The following LRGUK variants were observed in gnomAD, a reference collection of about 807,000 sequenced individuals.
LRGUK encodes leucine rich repeats and guanylate kinase domain containing.
In LRGUK, 65 loss-of-function variants were observed where a neutral mutation model predicts 76.0. The ratio of observed to expected loss-of-function variants is 0.85; its 90% confidence interval spans 0.70 to 1.05. The LOEUF (loss-of-function observed/expected upper bound fraction) is 1.05. Among genes scored for constraint, LRGUK ranks in the 50% least tolerant of loss-of-function variants. The pLI is 0.00. For missense variants in LRGUK, 758 were observed against 732.8 expected, an observed-to-expected ratio of 1.03 and a Z score of -0.40; for synonymous variants, 268 against 265.6, an observed-to-expected ratio of 1.01 and a Z score of -0.09.
In LRGUK at chr7:134,226,835, T is replaced by C. The variant is rs143373245; in HGVS notation, c.1983+4917T>C. Among the ~76,000 whole-genome samples the C allele has an allele frequency of 1.1e-3, 173 of 152,294 alleles. 2 individuals carry two copies. Among genetic ancestry groups the C allele is most frequent in the African/African-American group, 3.6e-3 (151 of 41,570 alleles). ...AATGTTGTCGCTATGTCAGTGATGGTAGGCAGGGAGTGAGGAAGGACTCAG... is the reference window on the plus strand; with the variant it reads ...AATGTTGTCGCTATGTCAGTGATGGCAGGCAGGGAGTGAGGAAGGACTCAG... On this transcript the variant is annotated intron_variant, in intron 16 of 19. Transcript: ENST00000285928.
chr7:134,260,197 G>T (rs1215176465), intron 19 of LRGUK, among the ~76,000 whole-genome samples: 1 of 151,822 alleles, frequency 6.6e-6, no homozygotes, highest in Non-Finnish European at 1.5e-5. Context: ...AACTATATAT[G>T]ATTGTAACAT....
At chr7:134,158,010 C>T (rs750558823) in intron 5 of LRGUK, 25 bp from the exon 6 acceptor site, 3 of 1,586,862 alleles carry the variant, frequency 1.9e-6, no homozygotes, top group Non-Finnish European at 2.6e-6. Context: ...ATAACATTTT[C>T]CTTAAACGTA....
At chr7:134,237,590 TTCTG>T (rs1230850087) in intron 16 of LRGUK, among the ~76,000 whole-genome samples, 5 of 152,188 alleles carry the variant, frequency 3.3e-5, no homozygotes, top group African/African-American at 1.2e-4. Flanking sequence ...ATAGCTGTCT[TTCTG>T]TCTGTTATGA....
At chr7:134,270,490 T>C in the LRGUK span, among the ~76,000 whole-genome samples, 22 of 152,286 alleles carry the variant, frequency 1.4e-4, no homozygotes, top group Admixed American at 1.3e-3. Context: ...AATTATATTT[T>C]CCTGATTTCC....
intron 15 of LRGUK, among the ~76,000 whole-genome samples, chr7:134,216,765 A>G (rs1241253026): frequency 6.6e-6 from 1 of 152,166 alleles, no homozygotes; most frequent in Non-Finnish European, 1.5e-5. Context: ...CCAGATCTAT[A>G]TACCCTCAGT....
At chr7:134,167,001 G>T (rs529429471) in intron 7 of LRGUK, among the ~76,000 whole-genome samples, 114 of 152,334 alleles carry the variant, frequency 7.5e-4, no homozygotes, top group African/African-American at 2.6e-3. Context: ...AATGAGAAGG[G>T]TTGGACTGGG....
At chr7:134,178,421 T>G (rs1211351134) in intron 9 of LRGUK, 82 bp from the exon 10 acceptor site, 2 of 1,015,510 alleles carry the variant, frequency 2.0e-6, no homozygotes, top group Non-Finnish European at 2.9e-6. Flanking sequence ...TGAACAACAT[T>G]TCATTAAGGA....
In LRGUK at chr7:134,201,585, C is replaced by G. The variant is rs181582005; in HGVS notation, c.1843+9C>G. ...TTTGGCTACAACTGCAGGTACTATT[C>G]TATCATTTTTGTGCCAGGATTTTTT... is the stretch of plus-strand genomic sequence containing the variant. On this transcript the variant is annotated intron_variant, in intron 15 of 15. Coordinates refer to ENST00000645682, the Ensembl canonical transcript of LRGUK. The G allele has an allele frequency of 1.3e-6, 2 of 1,587,816 alleles. No homozygotes were observed. The highest frequency in any genetic ancestry group is 4.5e-5 in the East Asian group (2 of 44,700).
At chr7:134,190,389 G>A (rs1032354290) in intron 11 of LRGUK, among the ~76,000 whole-genome samples, 2 of 152,004 alleles carry the variant, frequency 1.3e-5, no homozygotes, top group Non-Finnish European at 2.9e-5. Context: ...AAATTTTTTT[G>A]TAGAGACAGA....
At chr7:134,214,219 CTT>C (rs59354010), downstream of LRGUK, among the ~76,000 whole-genome samples, 1 of 147,776 alleles carries the variant, frequency 6.8e-6, no homozygotes. Flanking sequence ...ACAGGATAGA[CTT>C]TTTTTTTTTG....
At chr7:134,162,947 T>G (rs1798812101) in intron 6 of LRGUK, among the ~76,000 whole-genome samples, 1 of 151,086 alleles carries the variant, frequency 6.6e-6, no homozygotes, top group Non-Finnish European at 1.5e-5. Context: ...ACCACATGAG[T>G]GATTACATTT....
At chr7:134,154,345 G>A (rs187039294) in intron 5 of LRGUK, among the ~76,000 whole-genome samples, 2 of 152,304 alleles carry the variant, frequency 1.3e-5, no homozygotes, top group East Asian at 3.9e-4. Flanking sequence ...AGGAGGAAGG[G>A]CAAGTAACAT....
At chr7:134,128,109 GA>G (rs11291605) in intron 1 of LRGUK, among the ~76,000 whole-genome samples, 105,259 of 136,052 alleles carry the variant, frequency 0.77, 40,588 homozygotes, top group East Asian at 0.93. Flanking sequence ...CTCCCTCCAG[GA>G]AAAAAAAAAA....
chr7:134,247,030 A>G (rs12669960), intron 16 of LRGUK, among the ~76,000 whole-genome samples: 52,540 of 152,096 alleles, frequency 0.35, 11,184 homozygotes, highest in South Asian at 0.51. Context: ...TTTTGAATGC[A>G]GAGACTATCT....
Position 134,137,136 on chromosome 7 carries a change from T to A in LRGUK, c.405+6T>A. 1 of 1,596,734 alleles carries A rather than the reference T, an allele frequency of 6.3e-7. No homozygotes were observed. The highest frequency in any genetic ancestry group is 8.6e-7 in the Non-Finnish European group (1 of 1,167,456). Reference sequence around the variant, plus strand: ...ACCTCAATCTAACTTTATCAGTGAGTATGACAAAATCTCCATTGGCTGGCT... The same window carrying A: ...ACCTCAATCTAACTTTATCAGTGAGAATGACAAAATCTCCATTGGCTGGCT... On this transcript the variant is annotated splice_donor_region_variant and intron_variant, in intron 2 of 15. Transcript: ENST00000645682.
exon 1 of LRGUK, chr7:134,127,502 C>G: frequency 6.2e-7 from 1 of 1,614,148 alleles, no homozygotes; most frequent in Non-Finnish European, 8.5e-7. Flanking sequence ...GGTCTTTTCC[C>G]ATGGGGCAGA....
intron 15 of LRGUK, among the ~76,000 whole-genome samples, chr7:134,203,201 CA>C (rs374083038): frequency 3.3e-4 from 47 of 144,032 alleles, no homozygotes; most frequent in Admixed American, 3.5e-4. Context: ...AACTCCATCT[CA>C]AAAAAAAAAA....
chr7:134,164,108 C>T (rs544588681), intron 7 of LRGUK, among the ~76,000 whole-genome samples: 1 of 152,010 alleles, frequency 6.6e-6, no homozygotes, highest in Non-Finnish European at 1.5e-5. Flanking sequence ...ACATTTTTAC[C>T]GCAAAAATGA....
At chr7:134,214,355 A>G (rs980256793), downstream of LRGUK, among the ~76,000 whole-genome samples, 1 of 152,122 alleles carries the variant, frequency 6.6e-6, no homozygotes, top group Non-Finnish European at 1.5e-5. Flanking sequence ...CAGTTTTACA[A>G]TTTTCTGTCA....
Sources: allele counts gnomAD v4.1 joint callset (sites outside exome capture counted in the v4.1 genomes callset), GRCh38; gene constraint gnomAD v4.1.1; transcripts MANE v1.5; gene names NCBI Gene and HGNC (gene_info 2026-07-23, HGNC 2026-07-21).